CFHR2: variants seen among roughly 807,000 people sequenced by gnomAD.
The protein encoded by CFHR2 is complement factor H related 2, also known as complement factor H-related protein 2.
CFHR2 carries 22 observed loss-of-function variants against 21.7 expected under a neutral mutation model. The observed-to-expected ratio is 1.01, with a 90% CI of 0.72 to 1.45. The LOEUF is 1.45. Among genes scored for constraint, CFHR2 ranks in the 40% most tolerant of loss-of-function variants. The pLI is 0.00. For synonymous variants in CFHR2, 98 were observed against 97.4 expected (o/e 1.01, Z -0.04); for missense variants, 294 against 293.3 (o/e 1.00, Z -0.02).
In CFHR2 at chr1:196,950,919, T is replaced by A; in HGVS notation, c.321T>A (p.Gly107=). The A allele has an allele frequency of 6.2e-7, 1 of 1,614,064 alleles. No individual in the cohort carries two copies. Among genetic ancestry groups the A allele is most frequent in the South Asian group, 1.1e-5 (1 of 91,084 alleles). The part of the protein sequence containing the change: ...SESSGQTHLE[G]DTVQIICNTG... Reference sequence around the variant, plus strand: ...CTTCAGGACAAACACATCTGGAAGGTGATACTGTACAAATTATTTGCAACA... The same window carrying A: ...CTTCAGGACAAACACATCTGGAAGGAGATACTGTACAAATTATTTGCAACA... Residue 107 remains glycine, a synonymous_variant, in exon 3 of 5, where the codon GGT becomes GGA. Transcript: ENST00000367415.
chr1:196,947,560 G>A (rs183742196), intron 1 of CFHR2, among the ~76,000 whole-genome samples: 30 of 152,104 alleles, frequency 2.0e-4, no homozygotes, highest in East Asian at 1.2e-3. Flanking sequence ...TCAGTTTCAC[G>A]TTTCACAAAG....
At position 196,957,936 on chromosome 1, in the gene CFHR2, A is replaced by G. The variant is rs113267274; in HGVS notation, c.476A>G (p.Asp159Gly). The G allele has an allele frequency of 9.3e-6, 15 of 1,613,500 alleles. No homozygotes were observed. In the African/African-American group the frequency reaches 1.3e-4, roughly 14 times the overall value. ...CGPPPPIDNG[D>G]ITSFLLSVYA... ...CCCCCTCCACCTATTGACAATGGAG[A>G]CATTACTTCATTCCTGTTGTCAGTA... The change falls in exon 4 of 5, where the codon GAC (aspartate) becomes GGC (glycine). Residue 159 changes from aspartate (D) to glycine (G), a missense_variant. By Grantham distance (94) the Asp-to-Gly change is moderately conservative. Coordinates refer to ENST00000367415, the MANE Select transcript of CFHR2 (RefSeq NM_005666.4).
At chr1:196,953,608 TG>T in intron 3 of CFHR2, among the ~76,000 whole-genome samples, 1 of 152,340 alleles carries the variant, frequency 6.6e-6, no homozygotes, top group Non-Finnish European at 1.5e-5. Context: ...AATGGCATTT[TG>T]TTTTTACAAT....
chr1:196,952,074 T>C (rs1659748750), intron 3 of CFHR2, among the ~76,000 whole-genome samples: 1 of 152,184 alleles, frequency 6.6e-6, no homozygotes, highest in South Asian at 2.1e-4. Flanking sequence ...TTTCAAAAGA[T>C]GTTATGTTAT....
Position 196,958,976 on chromosome 1 carries a change from G to A in CFHR2, c.709G>A (p.Val237Ile). 1.9e-6 allele frequency: 3 copies of A among 1,610,562 alleles called. No individual in the cohort carries two copies. Among genetic ancestry groups the A allele is most frequent in the Non-Finnish European group, 2.5e-6 (3 of 1,177,312 alleles). ...GCTTTATTCAAGAACAGGTGACATA[G>A]TTGAATTTGTTTGTAAATCTGGATA... is the stretch of plus-strand genomic sequence containing the variant. Reference protein sequence around the residue: ...QKLYSRTGDIVEFVCKSGYHP... With the variant: ...QKLYSRTGDIIEFVCKSGYHP... The change falls in exon 5 of 5, where the codon GTT (valine) becomes ATT (isoleucine). Residue 237 changes from valine (V) to isoleucine (I), a missense_variant. By Grantham distance (29) the Val-to-Ile change is conservative. Coordinates refer to ENST00000367415, the MANE Select transcript of CFHR2 (RefSeq NM_005666.4).
chr1:196,948,024 CAAAG>C (rs892513241), intron 1 of CFHR2, among the ~76,000 whole-genome samples: 3 of 151,982 alleles, frequency 2.0e-5, no homozygotes, highest in Non-Finnish European at 4.4e-5. Context: ...AATGTGTACA[CAAAG>C]AAAGAGTCAA....
At chr1:196,949,351 A>C in intron 1 of CFHR2, 104 bp from the exon 2 acceptor site, 1 of 1,145,470 alleles carries the variant, frequency 8.7e-7, no homozygotes, top group Non-Finnish European at 1.2e-6. Context: ...AAGGCATTTA[A>C]GCTAAATGAA....
chr1:196,955,645 T>A (rs766872935), intron 3 of CFHR2, among the ~76,000 whole-genome samples: 6 of 152,044 alleles, frequency 3.9e-5, no homozygotes, highest in Non-Finnish European at 7.4e-5. Flanking sequence ...GGTCAGGAAT[T>A]TGGGACTAGC....
At chr1:196,957,603 G>T (rs548632273) in intron 3 of CFHR2, among the ~76,000 whole-genome samples, 1 of 152,176 alleles carries the variant, frequency 6.6e-6, no homozygotes, top group South Asian at 2.1e-4. Context: ...TCTGTGTTTT[G>T]TCATAGCTTT....
At chr1:196,954,545 C>T (rs1028604767) in intron 3 of CFHR2, among the ~76,000 whole-genome samples, 1 of 152,220 alleles carries the variant, frequency 6.6e-6, no homozygotes, top group African/African-American at 2.4e-5. Context: ...TCCAACCCTA[C>T]ATTTCCCTTC....
rs114886455 is a variant in CFHR2, at chr1:196,950,542, C to T, written c.254-310C>T. ...AGGCTGAAGTGCAGTGGTGCCATCT[C>T]GACTCACTGCTACCTCTGCCTTCTG... is the stretch of plus-strand genomic sequence containing the variant. On this transcript the variant is annotated intron_variant, in intron 2 of 4. Coordinates refer to ENST00000367415, the MANE Select transcript of CFHR2 (RefSeq NM_005666.4). Among the ~76,000 whole-genome samples the T allele has an allele frequency of 6.8e-3, 1,038 of 152,232 alleles. 13 individuals carry two copies. The highest frequency in any genetic ancestry group is 0.024 in the African/African-American group (1,006 of 41,542).
At position 196,950,755 on chromosome 1, in the gene CFHR2, G is replaced by A. The variant is rs1017779249; in HGVS notation, c.254-97G>A. On this transcript the variant is annotated intron_variant, in intron 2 of 4. Transcript: ENST00000367415. The stretch of plus-strand genomic sequence containing the variant: ...CCCAAAGTGCAGGGATTACCAGCTT[G>A]AGCCACTTCACCCTATTTATTAAAA... 211 of 1,383,432 alleles carry A rather than the reference G, an allele frequency of 1.5e-4. 1 individual carries two copies. The African/African-American group carries it at 2.2e-3, about 14-fold the overall frequency. The allele number at this position is 1,383,432 out of a possible 1,614,324, so 85.7% of individuals were successfully genotyped here. A position where few individuals can be genotyped will look rare whatever the true frequency, so the allele number is the denominator to read the frequency against.
At chr1:196,948,974 C>T (rs1350173047) in intron 1 of CFHR2, among the ~76,000 whole-genome samples, 1 of 151,866 alleles carries the variant, frequency 6.6e-6, no homozygotes, top group Non-Finnish European at 1.5e-5. Flanking sequence ...AAACAAACAA[C>T]AAAACTAACT....
intron 3 of CFHR2, 129 bp from the exon 4 acceptor site, chr1:196,957,762 C>T (rs1571497459): frequency 1.3e-6 from 1 of 790,132 alleles, no homozygotes; most frequent in African/African-American, 1.7e-5. Context: ...AAATTTTACT[C>T]CGGGAATCAT....
At chr1:196,946,161 A>G (rs567140484) in intron 1 of CFHR2, among the ~76,000 whole-genome samples, 4 of 152,376 alleles carry the variant, frequency 2.6e-5, no homozygotes, top group Admixed American at 2.0e-4. Context: ...AAGTCATTAC[A>G]TGAGTGGTGA....
Position 196,951,115 on chromosome 1 carries a change from A to G in CFHR2, c.430+87A>G, listed in dbSNP as rs972625895. 3.4e-6 allele frequency: 5 copies of G among 1,463,892 alleles called. No individual in the cohort carries two copies. The Admixed American group carries it at 1.0e-4, about 30-fold the overall frequency. The allele number at this position is 1,463,892 out of a possible 1,614,324, so 90.7% of individuals were successfully genotyped here. On this transcript the variant is annotated intron_variant, in intron 3 of 4. Coordinates refer to ENST00000367415, the MANE Select transcript of CFHR2 (RefSeq NM_005666.4). ...TTTTTTACAGATTAAATATAGGTTA[A>G]ATATAGGTTTTGCCACATACTTCTA...
chr1:196,945,018 A>C (rs1407280787), intron 1 of CFHR2, among the ~76,000 whole-genome samples: 1 of 147,928 alleles, frequency 6.8e-6, no homozygotes, highest in African/African-American at 2.5e-5. Context: ...CTAGGATTAC[A>C]GGCATGCACC....
chr1:196,958,084 T>A lies in CFHR2; in HGVS notation c.613+11T>A. Reference sequence around the variant, plus strand: ...CACCAAAATGCTTAGGTAAGTACTTTAATATTCTCATGGATTCTGGAAAAA... The same window carrying A: ...CACCAAAATGCTTAGGTAAGTACTTAAATATTCTCATGGATTCTGGAAAAA... On this transcript the variant is annotated intron_variant, in intron 4 of 4. Transcript: ENST00000367415. 2 of 1,610,664 alleles carry A rather than the reference T, an allele frequency of 1.2e-6. No homozygotes were observed. The highest frequency in any genetic ancestry group is 1.7e-6 in the Non-Finnish European group (2 of 1,177,090).
intron 1 of CFHR2, among the ~76,000 whole-genome samples, chr1:196,945,055 T>C (rs1210227419): frequency 6.9e-6 from 1 of 145,718 alleles, no homozygotes; most frequent in Non-Finnish European, 1.5e-5. Context: ...TTTGTATTTT[T>C]AGTAGAGATG....
Sources: gnomAD v4.1 joint callset for allele counts (sites outside exome capture counted in the v4.1 genomes callset) on GRCh38, gnomAD v4.1.1 for gene constraint, MANE v1.5 for transcripts, NCBI Gene and HGNC (gene_info 2026-07-23, HGNC 2026-07-21) for gene names.